THADA: variants seen among roughly 807,000 people sequenced by gnomAD.
THADA encodes THADA armadillo repeat containing.
A neutral mutation model predicts 219.8 loss-of-function variants in THADA; 213 were observed. The observed-to-expected ratio is 0.97, with a 90% confidence interval of 0.87 to 1.09. THADA has a LOEUF of 1.09. THADA is among the 50% of genes least tolerant of loss of function. The probability of loss-of-function intolerance (pLI) is 0.00; values close to 1 mark genes in which losing one functional copy is unlikely to be tolerated. For missense variants in THADA, 2,956 were observed against 2,311.3 expected (o/e 1.28, Z -5.72); for synonymous variants, 1,018 against 828.9 (o/e 1.23, Z -3.92).
At chr2:43,282,384 G>C (rs1318581698) in intron 35 of THADA, among the ~76,000 whole-genome samples, 1 of 152,206 alleles carries the variant, frequency 6.6e-6, no homozygotes, top group African/African-American at 2.4e-5. Context: ...CTCCCAGAGA[G>C]ATACAGGGAC....
intron 36 of THADA, among the ~76,000 whole-genome samples, chr2:43,248,212 GAGACAGAGAGAGAGAGAGAC>G (rs1669445998): frequency 7.5e-6 from 1 of 133,306 alleles, no homozygotes; most frequent in African/African-American, 2.8e-5. Flanking sequence ...GAGAGAGAGA[GAGACAGAGAGAGAGAGAGAC>G]AGAGAGAGAG....
At chr2:43,543,680 G>A (rs1480708950) in intron 20 of THADA, among the ~76,000 whole-genome samples, 1 of 152,202 alleles carries the variant, frequency 6.6e-6, no homozygotes, top group African/African-American at 2.4e-5. Context: ...CTTCTTTTGA[G>A]AAGTTCTGTT....
intron 36 of THADA, among the ~76,000 whole-genome samples, chr2:43,264,828 A>G (rs192348653): frequency 6.6e-6 from 1 of 152,328 alleles, no homozygotes; most frequent in East Asian, 1.9e-4. Flanking sequence ...TCTTGCACCC[A>G]TCTCTGAGTT....
chr2:43,367,660 G>T (rs534813199), intron 29 of THADA, among the ~76,000 whole-genome samples: 1 of 152,330 alleles, frequency 6.6e-6, no homozygotes, highest in African/African-American at 2.4e-5. Context: ...CAAGATTGTA[G>T]TAACTGTGGG....
chr2:43,431,028 A>G (rs1032011577), intron 26 of THADA, among the ~76,000 whole-genome samples: 1 of 152,196 alleles, frequency 6.6e-6, no homozygotes, highest in African/African-American at 2.4e-5. Flanking sequence ...TGAACTACGA[A>G]AGTAGAATAG....
intron 22 of THADA, among the ~76,000 whole-genome samples, chr2:43,518,200 T>C (rs1384184925): frequency 1.3e-5 from 2 of 152,178 alleles, no homozygotes; most frequent in East Asian, 3.8e-4. Context: ...TAAATATTTG[T>C]TGAATAAATG....
chr2:43,505,134 T>G (rs1377976618), intron 24 of THADA, among the ~76,000 whole-genome samples: 1 of 152,198 alleles, frequency 6.6e-6, no homozygotes, highest in Admixed American at 6.5e-5. Flanking sequence ...AGTTACAAAA[T>G]GTACATCAAC....
chr2:43,331,481 G>A (rs1028524801), intron 30 of THADA, among the ~76,000 whole-genome samples: 8 of 152,198 alleles, frequency 5.3e-5, no homozygotes, highest in African/African-American at 1.4e-4. Flanking sequence ...GTGTCAGCCA[G>A]AGCTCACTAA....
At chr2:43,267,477 C>T (rs1429829111) in intron 36 of THADA, among the ~76,000 whole-genome samples, 4 of 152,190 alleles carry the variant, frequency 2.6e-5, no homozygotes, top group Non-Finnish European at 5.9e-5. Flanking sequence ...CAGTCTTTCC[C>T]CCTTACACAG....
intron 29 of THADA, among the ~76,000 whole-genome samples, chr2:43,376,893 C>T (rs1671440338): frequency 6.6e-6 from 1 of 152,150 alleles, no homozygotes; most frequent in Non-Finnish European, 1.5e-5. Flanking sequence ...CTACTATGTG[C>T]TGGAGCCAGT....
chr2:43,553,784 T>C (rs1697023820), intron 17 of THADA, among the ~76,000 whole-genome samples: 2 of 152,198 alleles, frequency 1.3e-5, no homozygotes, highest in Non-Finnish European at 1.5e-5. Flanking sequence ...ATGCTTGTTA[T>C]CATCTCTTTT....
At position 43,505,600 on chromosome 2, in the gene THADA, G is replaced by A; in HGVS notation, c.3621+22C>T. On this transcript the variant is annotated intron_variant, in intron 24 of 37. Transcript: ENST00000405975. Reference sequence around the variant, plus strand: ...ACAAAACAAAAAACAACACTGGAGGGTTTGTGTATTTCCATGATTACCTGG... The same window carrying A: ...ACAAAACAAAAAACAACACTGGAGGATTTGTGTATTTCCATGATTACCTGG... 2.7e-6 allele frequency: 4 copies of A among 1,495,806 alleles called. No individual in the cohort carries two copies. The South Asian group carries it at 4.8e-5, about 18-fold the overall frequency. 92.7% of individuals were successfully genotyped at this position (1,495,806 alleles called of 1,614,324 possible). A position where few individuals can be genotyped will look rare whatever the true frequency, so the allele number is the denominator to read the frequency against.
At chr2:43,377,070 T>A (rs1156370596) in intron 29 of THADA, among the ~76,000 whole-genome samples, 1 of 152,182 alleles carries the variant, frequency 6.6e-6, no homozygotes, top group Non-Finnish European at 1.5e-5. Context: ...GGGCAGAACA[T>A]AGCCCCGGGA....
chr2:43,465,213 C>CA (rs534975951), intron 26 of THADA, among the ~76,000 whole-genome samples: 10 of 152,244 alleles, frequency 6.6e-5, no homozygotes, highest in African/African-American at 2.4e-4. Context: ...TAATCCTACT[C>CA]AAAGAGTAAA....
intron 28 of THADA, among the ~76,000 whole-genome samples, chr2:43,413,779 G>A (rs1573529849): frequency 6.6e-6 from 1 of 152,028 alleles, no homozygotes; most frequent in East Asian, 1.9e-4. Context: ...TAAGGTATTC[G>A]GTACTCACAG....
chr2:43,385,606 C>CAAAAA (rs532857816), intron 29 of THADA, among the ~76,000 whole-genome samples: 74 of 49,798 alleles, frequency 1.5e-3, no homozygotes, highest in African/African-American at 2.1e-3. Flanking sequence ...GACTCCGTCT[C>CAAAAA]AAAAAAAAAA....
intron 27 of THADA, 128 bp downstream of exon 27, chr2:43,430,085 G>A (rs1183635597): frequency 2.0e-6 from 1 of 499,044 alleles, no homozygotes; most frequent in African/African-American, 2.0e-5. Flanking sequence ...CTGTCTCAAG[G>A]AAAAAATTTA....
At chr2:43,581,688 C>A in intron 8 of THADA, 53 bp downstream of exon 8, 1 of 1,482,134 alleles carries the variant, frequency 6.7e-7, no homozygotes. Context: ...CTGATTGACA[C>A]TCAATTTTAA....
intron 24 of THADA, among the ~76,000 whole-genome samples, chr2:43,500,072 T>A (rs1688749076): frequency 6.6e-6 from 1 of 151,912 alleles, no homozygotes; most frequent in Admixed American, 6.6e-5. Flanking sequence ...AAAAATATTA[T>A]CAAAGAGTTT....
Sources: gnomAD v4.1 joint callset for allele counts (sites outside exome capture counted in the v4.1 genomes callset) on GRCh38, gnomAD v4.1.1 for gene constraint, MANE v1.5 for transcripts, NCBI Gene and HGNC (gene_info 2026-07-23, HGNC 2026-07-21) for gene names.